The following MRPS9 variants were observed in gnomAD, a reference collection of about 807,000 sequenced individuals.
MRPS9 encodes mitochondrial ribosomal protein S9.
MRPS9 carries 45 observed loss-of-function variants against 59.9 expected under a neutral mutation model. That is an observed-to-expected ratio of 0.75 (90% CI 0.59 to 0.96). MRPS9 has a LOEUF of 0.96. MRPS9 is among the 40% of genes least tolerant of loss of function. MRPS9 has a pLI of 0.00. For synonymous variants in MRPS9, 171 were observed against 166.8 expected, an observed-to-expected ratio of 1.03 and a Z score of -0.19; for missense variants, 473 against 481.1, an observed-to-expected ratio of 0.98 and a Z score of 0.16.
intron 6 of MRPS9, 132 bp from the exon 7 acceptor site, chr2:105,089,788 G>T: frequency 1.9e-6 from 1 of 525,348 alleles, no homozygotes; most frequent in Non-Finnish European, 3.3e-6. Context: ...AGCTTAGTTG[G>T]GTAAAATTAC....
At chr2:105,039,441 A>G (rs1360345255) in intron 1 of MRPS9, among the ~76,000 whole-genome samples, 1 of 150,746 alleles carries the variant, frequency 6.6e-6, no homozygotes, top group Admixed American at 6.6e-5. Context: ...GAGTATTTTT[A>G]TTGTTGACAT....
chr2:105,054,320 C>T (rs1679762251), intron 2 of MRPS9, among the ~76,000 whole-genome samples: 2 of 152,182 alleles, frequency 1.3e-5, no homozygotes, highest in South Asian at 4.1e-4. Context: ...TTCCATGCCA[C>T]CTGAGAATGA....
At chr2:105,061,199 C>G (rs948737989) in intron 2 of MRPS9, among the ~76,000 whole-genome samples, 5 of 147,102 alleles carry the variant, frequency 3.4e-5, no homozygotes, top group Non-Finnish European at 7.5e-5. Flanking sequence ...CCTCAAGTTA[C>G]AATGCCCTAA....
chr2:105,082,646 A>G (rs1680369996), intron 5 of MRPS9, among the ~76,000 whole-genome samples: 1 of 152,274 alleles, frequency 6.6e-6, no homozygotes, highest in Middle Eastern at 3.4e-3. Flanking sequence ...AAAAATGGCC[A>G]TGAAATATAA....
chr2:105,096,795 C>G (rs1680670101), intron 9 of MRPS9, among the ~76,000 whole-genome samples: 1 of 152,150 alleles, frequency 6.6e-6, no homozygotes, highest in South Asian at 2.1e-4. Context: ...TATATCTGAT[C>G]ATTCAATCCA....
At chr2:105,041,302 T>A (rs1401241102) in intron 1 of MRPS9, among the ~76,000 whole-genome samples, 1 of 152,214 alleles carries the variant, frequency 6.6e-6, no homozygotes, top group South Asian at 2.1e-4. Context: ...AAAGACCAAT[T>A]GCTATTTTGA....
chr2:105,081,458 G>A (rs1156637648), intron 5 of MRPS9, among the ~76,000 whole-genome samples: 1 of 152,072 alleles, frequency 6.6e-6, no homozygotes, highest in African/African-American at 2.4e-5. Context: ...CAAGTTTCAC[G>A]GAAAAAAGTA....
intron 4 of MRPS9, among the ~76,000 whole-genome samples, 164 bp from the exon 5 acceptor site, chr2:105,079,819 A>T (rs944585863): frequency 3.9e-5 from 6 of 152,244 alleles, no homozygotes; most frequent in African/African-American, 1.4e-4. Flanking sequence ...AAATATTTGC[A>T]TATAAATATG....
At chr2:105,087,088 A>G (rs1680462035) in intron 5 of MRPS9, among the ~76,000 whole-genome samples, 2 of 152,224 alleles carry the variant, frequency 1.3e-5, no homozygotes, top group Non-Finnish European at 1.5e-5. Context: ...AAGGCTTACC[A>G]ATTCTTGGGA....
chr2:105,089,841 T>A, intron 6 of MRPS9, 79 bp from the exon 7 acceptor site: 1 of 892,274 alleles, frequency 1.1e-6, no homozygotes, highest in South Asian at 1.9e-5. Context: ...ATAAAATTGC[T>A]ACTATATGTG....
At chr2:105,047,721 C>G (rs1679619039) in intron 1 of MRPS9, among the ~76,000 whole-genome samples, 1 of 152,052 alleles carries the variant, frequency 6.6e-6, no homozygotes, top group Non-Finnish European at 1.5e-5. Flanking sequence ...CGGGATGCAG[C>G]TGAATGTCAT....
At chr2:105,091,314 C>A (rs761330065) in intron 7 of MRPS9, 1 of 470,914 alleles carries the variant, frequency 2.1e-6, no homozygotes, top group Non-Finnish European at 4.4e-6. Context: ...CATAGTGCCC[C>A]TTTGTAGGTG....
chr2:105,040,627 G>C (rs546348218), intron 1 of MRPS9, among the ~76,000 whole-genome samples: 23 of 152,302 alleles, frequency 1.5e-4, no homozygotes, highest in African/African-American at 5.1e-4. Flanking sequence ...TAGCAATCTT[G>C]TGGTATGCAT....
At chr2:105,083,435 G>A (rs1224352036) in intron 5 of MRPS9, among the ~76,000 whole-genome samples, 1 of 152,148 alleles carries the variant, frequency 6.6e-6, no homozygotes, top group East Asian at 1.9e-4. Flanking sequence ...GTGGGCCGCA[G>A]CCTTGGTGTT....
At chr2:105,039,411 G>A (rs1421236398) in intron 1 of MRPS9, among the ~76,000 whole-genome samples, 2 of 149,976 alleles carry the variant, frequency 1.3e-5, no homozygotes, top group African/African-American at 4.9e-5. Context: ...GCATGATTAT[G>A]AGAGGGACTA....
At chr2:105,064,996 T>C (rs1401695951) in intron 2 of MRPS9, among the ~76,000 whole-genome samples, 2 of 152,204 alleles carry the variant, frequency 1.3e-5, no homozygotes, top group Non-Finnish European at 2.9e-5. Flanking sequence ...CATGCCGTTT[T>C]ATGTGTACTA....
At chr2:105,064,898 A>T (rs903688222) in intron 2 of MRPS9, among the ~76,000 whole-genome samples, 10 of 152,254 alleles carry the variant, frequency 6.6e-5, no homozygotes, top group Non-Finnish European at 1.2e-4. Context: ...GCAAAGTATC[A>T]CTGAAAAGAG....
chr2:105,048,904 G>A (rs1679658050), intron 1 of MRPS9, among the ~76,000 whole-genome samples: 1 of 151,952 alleles, frequency 6.6e-6, no homozygotes, highest in Admixed American at 6.6e-5. Context: ...TAGATCAGGA[G>A]GTAGCATACC....
intron 2 of MRPS9, among the ~76,000 whole-genome samples, chr2:105,056,779 C>T (rs1189836343): frequency 6.6e-6 from 1 of 152,122 alleles, no homozygotes; most frequent in Non-Finnish European, 1.5e-5. Flanking sequence ...ATGTAATATA[C>T]TAGTGCTTCC....
Sources: allele counts gnomAD v4.1 joint callset (sites outside exome capture counted in the v4.1 genomes callset), GRCh38; gene constraint gnomAD v4.1.1; transcripts MANE v1.5; gene names NCBI Gene and HGNC (gene_info 2026-07-23, HGNC 2026-07-21).